Variants in OSBP2 observed in about 807,000 individuals in gnomAD.
The protein encoded by OSBP2 is oxysterol-binding protein 2.
A neutral mutation model predicts 96.0 loss-of-function variants in OSBP2; 66 were observed. That is an observed-to-expected ratio of 0.69 (90% confidence interval 0.56 to 0.84). The LOEUF (loss-of-function observed/expected upper bound fraction) is 0.84, where lower values mean the gene tolerates loss of function less well. Ranked by LOEUF, OSBP2 falls within the 40% of genes least tolerant of loss-of-function variation. The pLI, the probability that OSBP2 is intolerant of heterozygous loss-of-function variation, is 0.00. For synonymous variants in OSBP2, 525 were observed against 520.9 expected, an observed-to-expected ratio of 1.01 and a Z score of -0.11; for missense variants, 1,038 against 1,222.7, an observed-to-expected ratio of 0.85 and a Z score of 2.25.
At chr22:30,833,801 G>T (rs894765266) in intron 2 of OSBP2, among the ~76,000 whole-genome samples, 1 of 152,088 alleles carries the variant, frequency 6.6e-6, no homozygotes, top group African/African-American at 2.4e-5. Flanking sequence ...TGCCAGTTTT[G>T]TCTAGTGTTG....
At chr22:30,782,273 T>C (rs2090528127) in intron 2 of OSBP2, among the ~76,000 whole-genome samples, 1 of 152,206 alleles carries the variant, frequency 6.6e-6, no homozygotes, top group Non-Finnish European at 1.5e-5. Context: ...TCATTCCAAA[T>C]TCTCTTCATG....
intron 2 of OSBP2, among the ~76,000 whole-genome samples, chr22:30,852,842 C>T (rs1194651389): frequency 3.3e-5 from 5 of 152,144 alleles, no homozygotes; most frequent in Non-Finnish European, 5.9e-5. Context: ...TTTTATCTTT[C>T]ATTTCAGAAT....
intron 2 of OSBP2, among the ~76,000 whole-genome samples, chr22:30,781,142 ATT>A (rs136305): frequency 5.3e-4 from 71 of 133,638 alleles, no homozygotes; most frequent in Non-Finnish European, 4.8e-4. Context: ...TGCCTGGCTA[ATT>A]TTTTTTTTTT....
In OSBP2 at chr22:30,865,186, C is replaced by T. The variant is rs184560012; in HGVS notation, c.854-5243C>T. Among the ~76,000 whole-genome samples, 310 of 152,268 alleles carry T rather than the reference C, an allele frequency of 2.0e-3. 1 individual carries two copies. The highest frequency in any genetic ancestry group is 6.8e-3 in the African/African-American group (283 of 41,550). On this transcript the variant is annotated intron_variant, in intron 2 of 13. Transcript: ENST00000332585. ...CTCCTGATGTTAGAGGGGTCCCAGCCCTGAGGGGGTGCCCTGTGGCCTCCT... is the reference window on the plus strand; with the variant it reads ...CTCCTGATGTTAGAGGGGTCCCAGCTCTGAGGGGGTGCCCTGTGGCCTCCT...
chr22:30,875,360 AG>A lies in OSBP2; in HGVS notation c.1107+4681del, dbSNP rs1408983940. The stretch of plus-strand genomic sequence containing the variant: ...TCTGCCTTGTGGCATTTTGATTGGC[AG>A]GGTTCTTTGTTGTTTTTTTTTTTTC... On this transcript the variant is annotated intron_variant, in intron 3 of 13. Coordinates refer to ENST00000332585, the MANE Select transcript of OSBP2 (RefSeq NM_030758.4). 6.0e-5 allele frequency among the ~76,000 whole-genome samples: 9 copies of A among 150,476 alleles called. No homozygotes were observed. In the East Asian group the frequency reaches 1.6e-3, roughly 26 times the overall value.
intron 2 of OSBP2, among the ~76,000 whole-genome samples, chr22:30,789,881 C>T (rs2090647824): frequency 6.6e-6 from 1 of 152,062 alleles, no homozygotes; most frequent in Non-Finnish European, 1.5e-5. Context: ...AAACTTTGTT[C>T]CCATTTTAGA....
intron 2 of OSBP2, among the ~76,000 whole-genome samples, chr22:30,772,868 C>T (rs2145792669): frequency 6.6e-6 from 1 of 151,392 alleles, no homozygotes; most frequent in Middle Eastern, 3.4e-3. Context: ...TCTTGGCTCA[C>T]TGTAACCTCC....
chr22:30,755,195 T>C (rs1029162593), intron 2 of OSBP2, among the ~76,000 whole-genome samples: 5 of 152,178 alleles, frequency 3.3e-5, no homozygotes, highest in Non-Finnish European at 5.9e-5. Context: ...AGTCATGCTT[T>C]ACACCCACTG....
At chr22:30,808,425 T>C (rs2090960522) in intron 2 of OSBP2, among the ~76,000 whole-genome samples, 1 of 152,138 alleles carries the variant, frequency 6.6e-6, no homozygotes. Context: ...GAGGAACACT[T>C]GAGCTCAGGA....
At chr22:30,811,705 C>T (rs921675877) in intron 2 of OSBP2, among the ~76,000 whole-genome samples, 2 of 151,966 alleles carry the variant, frequency 1.3e-5, no homozygotes, top group African/African-American at 2.4e-5. Context: ...CAGGCGCCCA[C>T]CACCACACCC....
intron 2 of OSBP2, among the ~76,000 whole-genome samples, chr22:30,867,458 A>T (rs369804783): frequency 1.3e-5 from 2 of 152,278 alleles, no homozygotes; most frequent in East Asian, 3.9e-4. Flanking sequence ...CGAAGCACTT[A>T]TTCATTCACT....
chr22:30,811,166 C>G (rs561079211), intron 2 of OSBP2, among the ~76,000 whole-genome samples: 7 of 41,448 alleles, frequency 1.7e-4, no homozygotes, highest in African/African-American at 4.0e-4. Context: ...TATACACAAC[C>G]CCCCCCCCAC....
chr22:30,729,671 G>A (rs1466638208), intron 1 of OSBP2, among the ~76,000 whole-genome samples: 1 of 151,912 alleles, frequency 6.6e-6, no homozygotes, highest in East Asian at 1.9e-4. Context: ...GTATATATGT[G>A]TGTGTATATA....
intron 2 of OSBP2, among the ~76,000 whole-genome samples, chr22:30,751,683 CTT>C (rs1325586832): frequency 6.6e-6 from 1 of 152,124 alleles, no homozygotes; most frequent in Non-Finnish European, 1.5e-5. Flanking sequence ...GAGTTTGACT[CTT>C]TTCGTTGACA....
intron 1 of OSBP2, among the ~76,000 whole-genome samples, chr22:30,732,412 A>T (rs113394957): frequency 6.6e-6 from 1 of 152,000 alleles, no homozygotes. Context: ...CTAATTCCTC[A>T]TGGCAATTAG....
chr22:30,782,355 G>C (rs747932594), intron 2 of OSBP2, among the ~76,000 whole-genome samples: 1 of 152,038 alleles, frequency 6.6e-6, no homozygotes, highest in Non-Finnish European at 1.5e-5. Context: ...TTGTGTGATC[G>C]TTTGCATTTT....
At chr22:30,758,788 C>T (rs1173540206) in intron 2 of OSBP2, among the ~76,000 whole-genome samples, 1 of 152,066 alleles carries the variant, frequency 6.6e-6, no homozygotes, top group Non-Finnish European at 1.5e-5. Flanking sequence ...TACCACTTAG[C>T]CCCCGATATA....
intron 1 of OSBP2, among the ~76,000 whole-genome samples, chr22:30,710,797 G>A (rs1329240324): frequency 1.3e-5 from 2 of 152,154 alleles, no homozygotes; most frequent in South Asian, 2.1e-4. Flanking sequence ...TTTTAGTAGA[G>A]ATGGGGTTTC....
intron 2 of OSBP2, among the ~76,000 whole-genome samples, chr22:30,747,283 A>C (rs1429150711): frequency 2.0e-5 from 3 of 152,124 alleles, no homozygotes; most frequent in Non-Finnish European, 4.4e-5. Flanking sequence ...ATGTAACTAG[A>C]CAGAGGTGGT....
Sources: allele counts gnomAD v4.1 joint callset (sites outside exome capture counted in the v4.1 genomes callset), GRCh38; gene constraint gnomAD v4.1.1; transcripts MANE v1.5; gene names NCBI Gene and HGNC (gene_info 2026-07-23, HGNC 2026-07-21).